Variants in KCNIP3 observed in about 807,000 individuals in gnomAD.
KCNIP3 encodes calsenilin.
In KCNIP3, 28 loss-of-function variants were observed where a neutral mutation model predicts 35.0. The ratio of observed to expected loss-of-function variants is 0.80; its 90% CI spans 0.59 to 1.10. The LOEUF (loss-of-function observed/expected upper bound fraction) is 1.10. Ranked by LOEUF, KCNIP3 falls within the 50% of genes least tolerant of loss-of-function variation. The pLI is 0.00. For missense variants in KCNIP3, 295 were observed against 338.4 expected, an observed-to-expected ratio of 0.87 and a Z score of 1.01; for synonymous variants, 134 against 133.8, an observed-to-expected ratio of 1.00 and a Z score of -0.01.
intron 2 of KCNIP3, among the ~76,000 whole-genome samples, chr2:95,328,187 GA>G (rs1337518388): frequency 1.3e-5 from 2 of 152,184 alleles, no homozygotes; most frequent in African/African-American, 4.8e-5. Flanking sequence ...CCAGGACTGG[GA>G]AAATGGGCCA....
chr2:95,380,922 G>T (rs753317453), intron 5 of KCNIP3, among the ~76,000 whole-genome samples: 1 of 152,208 alleles, frequency 6.6e-6, no homozygotes, highest in Non-Finnish European at 1.5e-5. Context: ...CTGAGGTGGA[G>T]GATCGCTTGA....
At chr2:95,349,954 GGTGCCTGACACTCCAT>G (rs947720733) in intron 2 of KCNIP3, among the ~76,000 whole-genome samples, 4 of 152,190 alleles carry the variant, frequency 2.6e-5, no homozygotes, top group Non-Finnish European at 5.9e-5. Context: ...GAAGGGCTAT[GGTGCCTGACACTCCAT>G]GTTTAACACA....
rs1680366980 is a variant in KCNIP3, at chr2:95,382,296, C to T, written c.556-81C>T. 2 of 863,110 alleles carry T rather than the reference C, an allele frequency of 2.3e-6. No homozygotes were observed. 53.5% of individuals were successfully genotyped at this position (863,110 alleles called of 1,614,324 possible). On this transcript the variant is annotated intron_variant, in intron 6 of 8. Coordinates refer to ENST00000295225, the MANE Select transcript of KCNIP3 (RefSeq NM_013434.5). This position sits in a 1 kb window ranked among gnomAD's most constrained non-coding sequence, Gnocchi z 4.5. ...CTCACTGCCTTGGAGGTGCCCTGCACCCTTGGATGCCGCCCGCTCCCTTTG... is the reference window on the plus strand; with the variant it reads ...CTCACTGCCTTGGAGGTGCCCTGCATCCTTGGATGCCGCCCGCTCCCTTTG...
rs1472605836 is a variant in KCNIP3 at position 95,326,368 on chromosome 2, ACACACT to A, written c.181+15859_181+15864del. Among the ~76,000 whole-genome samples, 98 of 152,272 alleles carry A rather than the reference ACACACT, an allele frequency of 6.4e-4. 1 individual carries two copies. Among genetic ancestry groups the A allele is most frequent in the Admixed American group, 4.5e-3 (69 of 15,294 alleles). On this transcript the variant is annotated intron_variant, in intron 2 of 8. Transcript: ENST00000295225. Reference sequence around the variant, plus strand: ...TGCACACATAAACACACACCCCAGTACACACTCACACTCACATACACATACATGCAC... The same window carrying A: ...TGCACACATAAACACACACCCCAGTACACACTCACATACACATACATGCAC...
At chr2:95,374,188 A>G in intron 2 of KCNIP3, 108 bp from the exon 3 acceptor site, 1 of 1,391,182 alleles carries the variant, frequency 7.2e-7, no homozygotes, top group Non-Finnish European at 9.9e-7. Flanking sequence ...TAGTCATGCA[A>G]AGAGAGTTCC....
intron 2 of KCNIP3, among the ~76,000 whole-genome samples, chr2:95,371,567 A>C (rs72946023): frequency 0.067 from 10,144 of 152,188 alleles, 981 homozygotes; most frequent in African/African-American, 0.2. Flanking sequence ...GTGTTTTTCA[A>C]ACCTTTTATT....
In KCNIP3 at chr2:95,377,385, C is replaced by T. The variant is rs78322579; in HGVS notation, c.447+2177C>T. Among the ~76,000 whole-genome samples, 1,317 of 152,334 alleles carry T rather than the reference C, an allele frequency of 8.6e-3. 26 individuals are homozygous for T. Among genetic ancestry groups the T allele is most frequent in the African/African-American group, 0.03 (1,231 of 41,556 alleles). On this transcript the variant is annotated intron_variant, in intron 5 of 8. Coordinates refer to ENST00000295225, the MANE Select transcript of KCNIP3 (RefSeq NM_013434.5). This position sits in a 1 kb window ranked among gnomAD's most constrained non-coding sequence, Gnocchi z 4.7. Reference sequence around the variant, plus strand: ...CCAGTGGCCAAGCGGCATCCAGGGCCGTGTGAGGGCAGCCTGCAAGCCCAG... The same window carrying T: ...CCAGTGGCCAAGCGGCATCCAGGGCTGTGTGAGGGCAGCCTGCAAGCCCAG...
intron 1 of KCNIP3, among the ~76,000 whole-genome samples, chr2:95,306,500 G>T (rs1020413907): frequency 6.6e-6 from 1 of 152,214 alleles, no homozygotes; most frequent in Middle Eastern, 3.2e-3. Context: ...CACAAGGGCT[G>T]GGTGAAGAAG....
At chr2:95,368,483 T>TA in intron 2 of KCNIP3, 1 of 203,032 alleles carries the variant, frequency 4.9e-6, no homozygotes, top group South Asian at 9.9e-5. Flanking sequence ...CTAAAGAACT[T>TA]ACTCATGTAA....
At chr2:95,307,676 A>C (rs1450425074) in intron 1 of KCNIP3, among the ~76,000 whole-genome samples, 1 of 152,204 alleles carries the variant, frequency 6.6e-6, no homozygotes, top group Non-Finnish European at 1.5e-5. Flanking sequence ...TGGGGCTTCA[A>C]GACAGAATCC....
intron 2 of KCNIP3, chr2:95,355,346 AATTATTATT>A (rs998953129): frequency 4.0e-5 from 6 of 151,782 alleles, no homozygotes; most frequent in African/African-American, 1.5e-4. Flanking sequence ...TTTCTTTTTT[AATTATTATT>A]ATTATTATAC....
chr2:95,319,017 C>T (rs1352218575), intron 2 of KCNIP3, among the ~76,000 whole-genome samples: 2 of 152,248 alleles, frequency 1.3e-5, no homozygotes, highest in Non-Finnish European at 2.9e-5. Flanking sequence ...ACCAGGGGCT[C>T]ATCCCCCAAT....
intron 2 of KCNIP3, among the ~76,000 whole-genome samples, chr2:95,354,343 A>G (rs1159886615): frequency 6.6e-6 from 1 of 152,222 alleles, no homozygotes; most frequent in African/African-American, 2.4e-5. Context: ...TGTAAGTTAT[A>G]TGCCACCATA....
intron 2 of KCNIP3, chr2:95,311,567 G>T (rs1366321009): frequency 6.6e-6 from 1 of 152,208 alleles, no homozygotes; most frequent in Non-Finnish European, 1.5e-5. Context: ...TCAACTGAGG[G>T]GTCTGGGCAA....
At chr2:95,343,737 A>G (rs1174389256) in intron 2 of KCNIP3, among the ~76,000 whole-genome samples, 1 of 152,100 alleles carries the variant, frequency 6.6e-6, no homozygotes, top group South Asian at 2.1e-4. Context: ...TGGCCCAGGC[A>G]GGTGTGTGCT....
chr2:95,382,487 C>A lies in KCNIP3; in HGVS notation c.660+6C>A. 5 of 1,589,188 alleles carry A rather than the reference C, an allele frequency of 3.1e-6. No individual in the cohort carries two copies. The highest frequency in any genetic ancestry group is 3.4e-6 in the Non-Finnish European group (4 of 1,166,802). ...ACGTGGAGAGGTTCTTCGAGGTGAGCGAGCGCCAGCCCTGCCTAGGGAGGG... is the reference window on the plus strand; with the variant it reads ...ACGTGGAGAGGTTCTTCGAGGTGAGAGAGCGCCAGCCCTGCCTAGGGAGGG... On this transcript the variant is annotated splice_donor_region_variant and intron_variant, in intron 7 of 8. Transcript: ENST00000295225. The surrounding 1 kb of genome is among the most constrained non-coding windows in gnomAD (Gnocchi z 4.5).
chr2:95,315,543 C>T (rs1352031519), intron 2 of KCNIP3, among the ~76,000 whole-genome samples: 2 of 152,160 alleles, frequency 1.3e-5, no homozygotes, highest in African/African-American at 4.8e-5. Context: ...CCTCCCTGAC[C>T]CCTGAACTAA....
At chr2:95,297,521 G>A (rs1316404645) in intron 1 of KCNIP3, 68 bp downstream of exon 1, 12 of 1,219,784 alleles carry the variant, frequency 9.8e-6, no homozygotes, top group Non-Finnish European at 1.4e-5. Flanking sequence ...GCTTCTGGGG[G>A]TTGCTCTGGA....
At chr2:95,345,774 C>T (rs1188813300) in intron 2 of KCNIP3, among the ~76,000 whole-genome samples, 3 of 152,242 alleles carry the variant, frequency 2.0e-5, no homozygotes, top group South Asian at 4.1e-4. Flanking sequence ...CCCCGGGCTC[C>T]GCCCGGCCAC....
Sources: gnomAD v4.1 joint callset for allele counts (sites outside exome capture counted in the v4.1 genomes callset) on GRCh38, gnomAD v4.1.1 for gene constraint, Gnocchi (gnomAD v3.1) non-coding constraint, MANE v1.5 for transcripts, NCBI Gene and HGNC (gene_info 2026-07-23, HGNC 2026-07-21) for gene names.